TEAD1: variants seen among roughly 807,000 people sequenced by gnomAD.
The protein encoded by TEAD1 is TEA domain transcription factor 1, also known as transcriptional enhancer factor TEF-1.
TEAD1 carries 9 observed loss-of-function variants against 54.9 expected under a neutral mutation model. That is an observed-to-expected ratio of 0.16 (90% CI 0.10 to 0.29). The LOEUF (loss-of-function observed/expected upper bound fraction) is 0.29, where lower values mean the gene tolerates loss of function less well. TEAD1 is among the 10% of genes least tolerant of loss of function. The pLI, the probability that TEAD1 is intolerant of heterozygous loss-of-function variation, is 1.00. For synonymous variants in TEAD1, 200 were observed against 187.8 expected (o/e 1.07, Z -0.53); for missense variants, 387 against 535.9 (o/e 0.72, Z 2.74).
intron 3 of TEAD1, among the ~76,000 whole-genome samples, chr11:12,841,993 C>A (rs1164837853): frequency 6.6e-6 from 1 of 152,068 alleles, no homozygotes; most frequent in East Asian, 1.9e-4. Context: ...GAAATGTAGT[C>A]GGCTTTCCTC....
chr11:12,861,756 G>A (rs1303090328), intron 3 of TEAD1, among the ~76,000 whole-genome samples: 2 of 152,216 alleles, frequency 1.3e-5, no homozygotes, highest in Non-Finnish European at 2.9e-5. Flanking sequence ...GGAGGCCAAG[G>A]CGGGTGGATC....
At chr11:12,812,398 A>G (rs1156575271) in intron 3 of TEAD1, among the ~76,000 whole-genome samples, 1 of 152,138 alleles carries the variant, frequency 6.6e-6, no homozygotes, top group Non-Finnish European at 1.5e-5. Flanking sequence ...TTAAAAGAGT[A>G]CTTAACTATT....
chr11:12,920,192 C>T (rs1244866532), intron 10 of TEAD1, among the ~76,000 whole-genome samples: 2 of 152,178 alleles, frequency 1.3e-5, no homozygotes, highest in Admixed American at 1.3e-4. Flanking sequence ...GTCAGATCTG[C>T]TAGGTGTGCC....
intron 9 of TEAD1, among the ~76,000 whole-genome samples, chr11:12,888,424 G>A (rs1458554855): frequency 6.6e-6 from 1 of 152,138 alleles, no homozygotes; most frequent in African/African-American, 2.4e-5. Flanking sequence ...CAGGAGAATC[G>A]CTTGAACCCA....
At chr11:12,844,689 A>C (rs1374206553) in intron 3 of TEAD1, among the ~76,000 whole-genome samples, 1 of 152,144 alleles carries the variant, frequency 6.6e-6, no homozygotes, top group African/African-American at 2.4e-5. Context: ...GTAACTGCTA[A>C]ATTGGATTTG....
In TEAD1 at chr11:12,838,652, A is replaced by G. The variant is rs1946959177; in HGVS notation, c.203-23598A>G. On this transcript the variant is annotated intron_variant, in intron 3 of 12. Transcript: ENST00000527636. ...TTCAGAGTCAGGATATTCTTAGTAA[A>G]CCCACAAGTGTTGTGGCCTTGTGCA... Among the ~76,000 whole-genome samples the G allele has an allele frequency of 3.3e-5, 5 of 152,142 alleles. No individual in the cohort carries two copies. The South Asian group carries it at 1.0e-3, about 32-fold the overall frequency.
chr11:12,911,523 T>C (rs1303005384), intron 10 of TEAD1, among the ~76,000 whole-genome samples: 1 of 152,224 alleles, frequency 6.6e-6, no homozygotes, highest in African/African-American at 2.4e-5. Context: ...TCCCTACTTC[T>C]GTCTCATCTC....
At chr11:12,821,715 A>G (rs553738599) in intron 3 of TEAD1, among the ~76,000 whole-genome samples, 3 of 152,174 alleles carry the variant, frequency 2.0e-5, no homozygotes, top group Admixed American at 6.5e-5. Flanking sequence ...AATTTCATGT[A>G]TTTGTAAACT....
Position 12,764,291 on chromosome 11 carries a change from G to A in TEAD1, c.59G>A (p.Ser20Asn), listed in dbSNP as rs1189205003. 2 of 1,614,220 alleles carry A rather than the reference G, an allele frequency of 1.2e-6. No individual in the cohort carries two copies. The highest frequency in any genetic ancestry group is 2.2e-5 in the South Asian group (2 of 91,086). ...CCTGCCGAAAACATGGAAAGGATGA[G>A]TGACTCTGCAGATAAGCCAATTGAC... Residue 20 changes from serine to asparagine, a missense_variant, in exon 3 of 13, where the codon AGT becomes AAT. Around this residue, in one of 5 missense-constraint regions of TEAD1, gnomAD observed 55 missense variants for 50.4 expected, o/e 1.09. Transcript: ENST00000527636.
chr11:12,736,676 C>T (rs917224701), intron 2 of TEAD1, among the ~76,000 whole-genome samples: 1 of 152,108 alleles, frequency 6.6e-6, no homozygotes, highest in African/African-American at 2.4e-5. Context: ...TTATGGAGTG[C>T]AGTAGGCTCC....
intron 2 of TEAD1, among the ~76,000 whole-genome samples, chr11:12,697,423 A>G (rs766075683): frequency 6.6e-6 from 1 of 152,340 alleles, no homozygotes; most frequent in South Asian, 2.1e-4. Flanking sequence ...GGCAGTGTCA[A>G]TAAGCAGGGA....
At chr11:12,856,259 C>T (rs752194950) in intron 3 of TEAD1, among the ~76,000 whole-genome samples, 10 of 151,664 alleles carry the variant, frequency 6.6e-5, no homozygotes, top group African/African-American at 2.2e-4. Context: ...GAAAGGGAGG[C>T]GGAGAAGAGA....
At chr11:12,786,140 AG>A (rs1945672807) in intron 3 of TEAD1, among the ~76,000 whole-genome samples, 2 of 152,266 alleles carry the variant, frequency 1.3e-5, no homozygotes, top group South Asian at 4.2e-4. Context: ...ACAGGGTGGG[AG>A]GGGACATGAG....
intron 2 of TEAD1, among the ~76,000 whole-genome samples, chr11:12,696,979 G>C (rs1488965523): frequency 6.6e-6 from 1 of 152,166 alleles, no homozygotes; most frequent in East Asian, 1.9e-4. Flanking sequence ...GCTTGACTTA[G>C]TCCTTTCTGC....
chr11:12,730,409 G>C (rs1590092247), intron 2 of TEAD1, among the ~76,000 whole-genome samples: 1 of 124,406 alleles, frequency 8.0e-6, no homozygotes, highest in South Asian at 3.0e-4. Context: ...TTGATTCCCA[G>C]TTGAGTGTTT....
chr11:12,893,329 C>T (rs1724219797), intron 9 of TEAD1, among the ~76,000 whole-genome samples: 1 of 152,154 alleles, frequency 6.6e-6, no homozygotes, highest in African/African-American at 2.4e-5. Context: ...GTGTGGAGCA[C>T]CCCCATGCCC....
intron 9 of TEAD1, among the ~76,000 whole-genome samples, chr11:12,894,663 C>T (rs1328704911): frequency 3.3e-5 from 5 of 152,166 alleles, no homozygotes; most frequent in Non-Finnish European, 5.9e-5. Context: ...ACCCTAGCAC[C>T]GATGGTAACA....
At chr11:12,841,403 G>C (rs949051683) in intron 3 of TEAD1, among the ~76,000 whole-genome samples, 2 of 152,232 alleles carry the variant, frequency 1.3e-5, no homozygotes, top group African/African-American at 4.8e-5. Context: ...ATGGATGCTG[G>C]TTAGGAAGTG....
chr11:12,837,323 T>C (rs1946913388), intron 3 of TEAD1, among the ~76,000 whole-genome samples: 1 of 152,072 alleles, frequency 6.6e-6, no homozygotes, highest in South Asian at 2.1e-4. Flanking sequence ...CTTTCTGTTA[T>C]TTTTTCATTG....
Sources: gnomAD v4.1 joint callset for allele counts (sites outside exome capture counted in the v4.1 genomes callset) on GRCh38, gnomAD v4.1.1 for gene constraint, gnomAD v4.1.1 regional missense constraint, MANE v1.5 for transcripts, NCBI Gene and HGNC (gene_info 2026-07-23, HGNC 2026-07-21) for gene names.